KCNN1: variants seen among roughly 807,000 people sequenced by gnomAD.
KCNN1 encodes potassium calcium-activated channel subfamily N member 1, also known as small conductance calcium-activated potassium channel protein 1.
KCNN1 carries 20 observed loss-of-function variants against 44.7 expected under a neutral mutation model. That is an observed-to-expected ratio of 0.45 (90% CI 0.32 to 0.65). The LOEUF is 0.65. Among genes scored for constraint, KCNN1 ranks in the 30% least tolerant of loss-of-function variants. The pLI, the probability that KCNN1 is intolerant of heterozygous loss-of-function variation, is 0.05. For missense variants in KCNN1, 632 were observed against 785.3 expected (o/e 0.80, Z 2.33); for synonymous variants, 324 against 341.7 (o/e 0.95, Z 0.57).
chr19:17,975,260 A>G, intron 3 of KCNN1, 73 bp downstream of exon 3: 1 of 1,063,276 alleles, frequency 9.4e-7, no homozygotes, highest in Non-Finnish European at 1.4e-6. Flanking sequence ...CCCACCTTAG[A>G]CCCCATCCCC....
At position 17,993,680 on chromosome 19, in the gene KCNN1, G is replaced by A. The variant is rs534368543; in HGVS notation, c.1377+121G>A. ...CCCGCTGTGGGCTGAGTGCAGTGGCGGGCGGATCGCTTGAGCTCAGGAGTT... is the reference window on the plus strand; with the variant it reads ...CCCGCTGTGGGCTGAGTGCAGTGGCAGGCGGATCGCTTGAGCTCAGGAGTT... On this transcript the variant is annotated intron_variant, in intron 9 of 9. Transcript: ENST00000684775. This position sits in a 1 kb window ranked among gnomAD's most constrained non-coding sequence, Gnocchi z 4.5. 9.5e-5 allele frequency: 73 copies of A among 770,282 alleles called. No homozygotes were observed. The South Asian group carries it at 9.6e-4, about 10-fold the overall frequency. The allele number at this position is 770,282 out of a possible 1,614,324, so 47.7% of individuals were successfully genotyped here.
In KCNN1 at chr19:17,993,357, C is replaced by T. The variant is rs2032865130; in HGVS notation, c.1308-133C>T. 1.4e-6 allele frequency: 1 copy of T among 730,376 alleles called. No individual in the cohort carries two copies. Among genetic ancestry groups the T allele is most frequent in the African/African-American group, 1.7e-5 (1 of 57,706 alleles). 45.2% of individuals were successfully genotyped at this position (730,376 alleles called of 1,614,324 possible). A position where few individuals can be genotyped will look rare whatever the true frequency, so the allele number is the denominator to read the frequency against. ...AGGGAATAGACTACAGGGAATCGGC[C>T]TCCCAACTCCCACCTCATCCTCTGA... On this transcript the variant is annotated intron_variant, in intron 8 of 9. Transcript: ENST00000684775. This position sits in a 1 kb window ranked among gnomAD's most constrained non-coding sequence, Gnocchi z 4.5.
At position 17,974,429 on chromosome 19, in the gene KCNN1, C is replaced by A. The variant is rs941785784; in HGVS notation, c.402+139C>A. ...GCTCCCGGAGGTGAGGGCTCCCTGG[C>A]CTTCTGCATACCCACCTCCAGGAAG... is the stretch of plus-strand genomic sequence containing the variant. On this transcript the variant is annotated intron_variant, in intron 2 of 9. Coordinates refer to ENST00000684775, the MANE Select transcript of KCNN1 (RefSeq NM_001386974.1). This position sits in a 1 kb window ranked among gnomAD's most constrained non-coding sequence, Gnocchi z 7.3. 3.8e-5 allele frequency: 35 copies of A among 920,806 alleles called. No homozygotes were observed. The highest frequency in any genetic ancestry group is 4.4e-5 in the Non-Finnish European group (28 of 640,678). The allele number at this position is 920,806 out of a possible 1,614,324, so 57.0% of individuals were successfully genotyped here.
chr19:17,989,567 G>A, intron 6 of KCNN1, 149 bp from the exon 7 acceptor site: 2 of 1,108,074 alleles, frequency 1.8e-6, no homozygotes, highest in East Asian at 2.3e-5. Flanking sequence ...CACAGATGTT[G>A]TTGTACAAGC....
At chr19:17,961,922 T>G (rs925130235) in intron 2 of KCNN1, among the ~76,000 whole-genome samples, 5 of 143,728 alleles carry the variant, frequency 3.5e-5, no homozygotes, top group African/African-American at 1.3e-4. Flanking sequence ...AGGTCCAAGG[T>G]TCTGGGGAGG....
chr19:17,958,902 G>A (rs535790283), intron 2 of KCNN1, among the ~76,000 whole-genome samples: 5 of 149,716 alleles, frequency 3.3e-5, no homozygotes, highest in South Asian at 4.2e-4. Context: ...GGGTTTCACC[G>A]TGTTAACCAG....
At chr19:17,997,460 C>G (rs1475073639) in intron 9 of KCNN1, among the ~76,000 whole-genome samples, 1 of 152,196 alleles carries the variant, frequency 6.6e-6, no homozygotes, top group Non-Finnish European at 1.5e-5. Flanking sequence ...ACCCCAGAAC[C>G]TCACTAGGCC....
At chr19:17,972,618 T>C (rs1384919578) in intron 1 of KCNN1, among the ~76,000 whole-genome samples, 1 of 152,186 alleles carries the variant, frequency 6.6e-6, no homozygotes, top group African/African-American at 2.4e-5. Flanking sequence ...GATCCCCTCC[T>C]GCCCAGGCAG....
intron 2 of KCNN1, among the ~76,000 whole-genome samples, chr19:17,957,715 A>G (rs950343398): frequency 1.3e-5 from 2 of 152,102 alleles, no homozygotes; most frequent in Non-Finnish European, 2.9e-5. Context: ...CAAGGAACTC[A>G]GCGGCTGCAG....
Position 17,993,096 on chromosome 19 carries a change from G to A in KCNN1, c.1307+34G>A, listed in dbSNP as rs1481122110. ...TCTCCCAGGGGCTTGGTGGGGCTGG[G>A]AAATCGGGGGTGCATGGTGGTCACA... On this transcript the variant is annotated intron_variant, in intron 8 of 9. Coordinates refer to ENST00000684775, the MANE Select transcript of KCNN1 (RefSeq NM_001386974.1). This position sits in a 1 kb window ranked among gnomAD's most constrained non-coding sequence, Gnocchi z 4.5. 2 of 1,613,274 alleles carry A rather than the reference G, an allele frequency of 1.2e-6. No individual in the cohort carries two copies. Among genetic ancestry groups the A allele is most frequent in the African/African-American group, 1.3e-5 (1 of 74,920 alleles).
rs559726377 is a variant in KCNN1, at chr19:17,998,632, T to C, written c.*226T>C. ...CTCTGGTCACCTGGTCCCCCGACTCTCCCCAGGCCCCCGGTGGGCATGGAG... is the reference window on the plus strand; with the variant it reads ...CTCTGGTCACCTGGTCCCCCGACTCCCCCCAGGCCCCCGGTGGGCATGGAG... On this transcript the variant is annotated 3_prime_UTR_variant, in exon 10 of 10. Transcript: ENST00000684775. This position sits in a 1 kb window ranked among gnomAD's most constrained non-coding sequence, Gnocchi z 5.4. 1.1e-4 allele frequency: 52 copies of C among 468,152 alleles called. No individual in the cohort carries two copies. Among genetic ancestry groups the C allele is most frequent in the Non-Finnish European group, 1.7e-4 (46 of 270,254 alleles). The allele number at this position is 468,152 out of a possible 1,614,324, so 29.0% of individuals were successfully genotyped here. A position where few individuals can be genotyped will look rare whatever the true frequency, so the allele number is the denominator to read the frequency against.
intron 1 of KCNN1, among the ~76,000 whole-genome samples, chr19:17,952,516 C>T (rs928487313): frequency 8.2e-4 from 125 of 152,234 alleles, no homozygotes; most frequent in Non-Finnish European, 5.9e-4. Context: ...GGAGTCAGCT[C>T]CTGACCCCAC....
intron 4 of KCNN1, 113 bp from the exon 5 acceptor site, chr19:17,985,199 G>A (rs1326636473): frequency 1.8e-5 from 19 of 1,030,444 alleles, no homozygotes; most frequent in East Asian, 5.6e-5. Flanking sequence ...TAGCCCCAAC[G>A]CAGCGAGGTG....
In KCNN1 at chr19:17,981,094, G is replaced by C. The variant is rs563030081; in HGVS notation, c.499-615G>C. 2.0e-5 allele frequency among the ~76,000 whole-genome samples: 3 copies of C among 151,834 alleles called. No homozygotes were observed. In the East Asian group the frequency reaches 5.8e-4, roughly 30 times the overall value. On this transcript the variant is annotated intron_variant, in intron 3 of 9. Transcript: ENST00000684775. ...TAGCCAGGCATGGTGGCAGGCACCT[G>C]TAATCCCAGCTACTCGGGAGGCTGA... is the stretch of plus-strand genomic sequence containing the variant.
At position 17,973,976 on chromosome 19, in the gene KCNN1, G is replaced by A. The variant is rs1253258479; in HGVS notation, c.88G>A (p.Ala30Thr). ...ALGRDPPDPE[A>T]GHPPQPPHSP... ...GGGACGAGACCCTCCGGACCCTGAG[G>A]CCGGCCACCCCCCACAACCCCCGCA... Residue 30 changes from alanine to threonine, a missense_variant, in exon 2 of 10, where the codon GCC becomes ACC. Physicochemically the swap from Ala to Thr is moderately conservative, Grantham distance 58 (BLOSUM62 0). This residue lies in a region of KCNN1 where 235 missense variants were observed against 224.0 expected (regional missense o/e 1.05). Coordinates refer to ENST00000684775, the MANE Select transcript of KCNN1 (RefSeq NM_001386974.1). 1.3e-6 allele frequency: 2 copies of A among 1,569,662 alleles called. No individual in the cohort carries two copies. Among genetic ancestry groups the A allele is most frequent in the East Asian group, 2.3e-5 (1 of 42,586 alleles).
rs769707307 is a variant in KCNN1, at chr19:17,993,508, C to A, written c.1326C>A (p.Ile442=). The A allele has an allele frequency of 6.2e-7, 1 of 1,613,760 alleles. No individual in the cohort carries two copies. The stretch of plus-strand genomic sequence containing the variant: ...CCCACAGGCTCCGGAGTGTGAAGAT[C>A]GAGCAAGGGAAGCTGAACGACCAGG... ...HQAQKLRSVK[I]EQGKLNDQAN... The change falls in exon 9 of 10, where the codon ATC becomes ATA. Residue 442 remains isoleucine (I), a synonymous_variant. Transcript: ENST00000684775. The surrounding 1 kb of genome is among the most constrained non-coding windows in gnomAD (Gnocchi z 4.5).
At chr19:17,985,477 T>TG (rs1415983076) in intron 5 of KCNN1, 24 bp downstream of exon 5, 1 of 1,546,124 alleles carries the variant, frequency 6.5e-7, no homozygotes, top group African/African-American at 1.4e-5. Flanking sequence ...TCCATGTGTA[T>TG]GATCCTGGGA....
At chr19:17,959,290 G>C (rs900777813) in intron 2 of KCNN1, among the ~76,000 whole-genome samples, 5 of 151,240 alleles carry the variant, frequency 3.3e-5, no homozygotes, top group Non-Finnish European at 7.4e-5. Flanking sequence ...ACAGAGTCTC[G>C]CTCTGTCGCC....
chr19:17,957,205 AGAG>A (rs1392398716), intron 2 of KCNN1, among the ~76,000 whole-genome samples: 3 of 81,788 alleles, frequency 3.7e-5, no homozygotes, highest in Non-Finnish European at 6.9e-5. Flanking sequence ...AGAGGGGAGG[AGAG>A]GAGAGGGGAG....
Sources: allele counts gnomAD v4.1 joint callset (sites outside exome capture counted in the v4.1 genomes callset), GRCh38; gene constraint gnomAD v4.1.1; regional missense constraint gnomAD v4.1.1; non-coding constraint Gnocchi (gnomAD v3.1); transcripts MANE v1.5; gene names NCBI Gene and HGNC (gene_info 2026-07-23, HGNC 2026-07-21).